The following SAP130 variants were observed in gnomAD, a reference collection of about 807,000 sequenced individuals.
SAP130 encodes Sin3A associated protein 130, also known as histone deacetylase complex subunit SAP130.
In SAP130, 16 loss-of-function variants were observed where a neutral mutation model predicts 103.2. That is an observed-to-expected ratio of 0.16 (90% CI 0.10 to 0.24). The LOEUF is 0.24. Among genes scored for constraint, SAP130 ranks in the 10% least tolerant of loss-of-function variants. The probability of loss-of-function intolerance (pLI) is 1.00; values close to 1 mark genes in which losing one functional copy is unlikely to be tolerated. For synonymous variants in SAP130, 477 were observed against 497.0 expected (o/e 0.96, Z 0.53); for missense variants, 990 against 1,359.7 (o/e 0.73, Z 4.28).
chr2:127,997,976 T>G (rs1290304478), intron 10 of SAP130, among the ~76,000 whole-genome samples: 6 of 151,632 alleles, frequency 4.0e-5, no homozygotes, highest in Non-Finnish European at 8.8e-5. Flanking sequence ...CAGCCAGGCG[T>G]GGTGGTATGT....
chr2:128,020,429 G>T (rs1685075119), intron 2 of SAP130, among the ~76,000 whole-genome samples: 1 of 152,156 alleles, frequency 6.6e-6, no homozygotes, highest in African/African-American at 2.4e-5. Flanking sequence ...ACCCTATTGT[G>T]CTTTGCCTCT....
chr2:128,017,806 G>C lies in SAP130; in HGVS notation c.222C>G (p.Pro74=), dbSNP rs376069602. Residue 74 remains proline, a synonymous_variant, in exon 3 of 21, where the codon CCC becomes CCG. Transcript: ENST00000643581. ...TCGACAACATCTGCACCTGTGGATAGGGCCTTACCACAACAGGCTCTTGCT... is the reference window on the plus strand; with the variant it reads ...TCGACAACATCTGCACCTGTGGATACGGCCTTACCACAACAGGCTCTTGCT... The part of the protein sequence containing the change: ...EEKQEPVVVR[P]YPQVQMLSTH... The C allele has an allele frequency of 1.6e-5, 26 of 1,614,124 alleles. No individual in the cohort carries two copies. The highest frequency in any genetic ancestry group is 2.2e-5 in the Non-Finnish European group (26 of 1,180,052).
rs191616809 is a variant in SAP130, at chr2:127,972,770, A to G, written c.2063+5215T>C. Among the ~76,000 whole-genome samples, 7 of 152,092 alleles carry G rather than the reference A, an allele frequency of 4.6e-5. No homozygotes were observed. In the East Asian group the frequency reaches 1.4e-3, roughly 29 times the overall value. On this transcript the variant is annotated intron_variant, in intron 15 of 20. Transcript: ENST00000643581. Reference sequence around the variant, plus strand: ...GAGATTCTGTCTAAAAAAAAAGTAAATTAAAAAAATAAAAATAGCTGGGCA... The same window carrying G: ...GAGATTCTGTCTAAAAAAAAAGTAAGTTAAAAAAATAAAAATAGCTGGGCA...
At chr2:127,961,793 T>C (rs570527768) in intron 15 of SAP130, among the ~76,000 whole-genome samples, 2 of 152,170 alleles carry the variant, frequency 1.3e-5, no homozygotes, top group East Asian at 3.9e-4. Flanking sequence ...CAAAGTATGT[T>C]GCTTCCTTGG....
At chr2:128,019,113 A>G (rs982796148) in intron 2 of SAP130, among the ~76,000 whole-genome samples, 1 of 152,088 alleles carries the variant, frequency 6.6e-6, no homozygotes, top group Non-Finnish European at 1.5e-5. Flanking sequence ...AAAAAGAAAA[A>G]AAAAAGATAT....
At chr2:128,020,660 C>A (rs2105234584) in intron 2 of SAP130, among the ~76,000 whole-genome samples, 1 of 152,254 alleles carries the variant, frequency 6.6e-6, no homozygotes, top group South Asian at 2.1e-4. Context: ...TCAATATATA[C>A]CTAGGATTAG....
At position 127,941,940 on chromosome 2, in the gene SAP130, A is replaced by ACAC; in HGVS notation, c.*65_*66insGTG. On this transcript the variant is annotated 3_prime_UTR_variant, in exon 21 of 21. Coordinates refer to ENST00000643581, the MANE Select transcript of SAP130 (RefSeq NM_001330301.2). ...AATGTTCCACTTTGGAAAAAACCAA[A>ACAC]ACCCTCCCCCCACCCCCACCATCAT... is the stretch of plus-strand genomic sequence containing the variant. 2.7e-6 allele frequency: 1 copy of ACAC among 364,780 alleles called. No individual in the cohort carries two copies. Among genetic ancestry groups the ACAC allele is most frequent in the Non-Finnish European group, 5.2e-6 (1 of 193,016 alleles). The allele number at this position is 364,780 out of a possible 1,614,324, so 22.6% of individuals were successfully genotyped here.
rs776800985 is a variant in SAP130 at position 127,950,273 on chromosome 2, G to A, written c.2558C>T (p.Ser853Leu). 1.9e-6 allele frequency: 3 copies of A among 1,614,174 alleles called. No homozygotes were observed. Among genetic ancestry groups the A allele is most frequent in the Non-Finnish European group, 2.5e-6 (3 of 1,180,028 alleles). ...KKPRKQQHVI[S>L]TEEGDMMETN... Reference sequence around the variant, plus strand: ...CTCCATCATGTCACCTTCTTCTGTTGAGATCACATGCTGTTGCTTTCGAGG... The same window carrying A: ...CTCCATCATGTCACCTTCTTCTGTTAAGATCACATGCTGTTGCTTTCGAGG... The change falls in exon 17 of 21, where the codon TCA (serine) becomes TTA (leucine). Residue 853 changes from serine (S) to leucine (L), a missense_variant. Transcript: ENST00000643581.
At chr2:127,947,754 T>TTGTGTGTGTGTGTGTGAG in intron 18 of SAP130, among the ~76,000 whole-genome samples, 1 of 28,640 alleles carries the variant, frequency 3.5e-5, no homozygotes, top group South Asian at 9.5e-4. Context: ...TAATTTTGTA[T>TTGTGTGTGTGTGTGTGAG]TGTGTGTGTC....
intron 11 of SAP130, among the ~76,000 whole-genome samples, chr2:127,995,274 G>C (rs1413755468): frequency 6.6e-6 from 1 of 152,182 alleles, no homozygotes; most frequent in African/African-American, 2.4e-5. Flanking sequence ...AGAAACAGCA[G>C]ATTTCACAGC....
chr2:127,950,335 T>C lies in SAP130; in HGVS notation c.2496A>G (p.Thr832=), dbSNP rs1451974983. 6.2e-7 allele frequency: 1 copy of C among 1,614,224 alleles called. No individual in the cohort carries two copies. The highest frequency in any genetic ancestry group is 8.5e-7 in the Non-Finnish European group (1 of 1,180,038). Residue 832 remains threonine, a synonymous_variant, in exon 17 of 21, where the codon ACA becomes ACG. Coordinates refer to ENST00000643581, the MANE Select transcript of SAP130 (RefSeq NM_001330301.2). ...ALLANNLSMP[T]SDLPPGASPR... ...GGGAGGCACCAGGTGGTAGGTCACT[T>C]GTAGGCATGGACAAGTTGTTTGCCA...
intron 15 of SAP130, among the ~76,000 whole-genome samples, chr2:127,962,801 C>G (rs1409753183): frequency 6.6e-6 from 1 of 151,582 alleles, no homozygotes; most frequent in Non-Finnish European, 1.5e-5. Context: ...ATGGGTGCAG[C>G]ATACCAACAC....
chr2:128,000,632 G>C (rs539175331), intron 7 of SAP130, among the ~76,000 whole-genome samples, 178 bp from the exon 8 acceptor site: 1 of 152,096 alleles, frequency 6.6e-6, no homozygotes, highest in East Asian at 1.9e-4. Flanking sequence ...GTTTTAAAAG[G>C]CATCAATTTG....
chr2:128,020,801 C>A (rs1685099647), intron 2 of SAP130, among the ~76,000 whole-genome samples: 1 of 151,326 alleles, frequency 6.6e-6, no homozygotes, highest in Non-Finnish European at 1.5e-5. Context: ...GAGTTCAAGA[C>A]CATCATCCAA....
intron 2 of SAP130, among the ~76,000 whole-genome samples, chr2:128,021,815 AGT>A (rs1685182031): frequency 6.6e-6 from 1 of 152,220 alleles, no homozygotes; most frequent in South Asian, 2.1e-4. Context: ...AGTGGGTTGT[AGT>A]GTGTGTCTCA....
intron 15 of SAP130, among the ~76,000 whole-genome samples, chr2:127,956,719 AAAAAG>A (rs1181324021): frequency 2.7e-5 from 4 of 150,512 alleles, no homozygotes; most frequent in Non-Finnish European, 5.9e-5. Context: ...AAAAAAAAAA[AAAAAG>A]AAAGTTGGGT....
intron 18 of SAP130, 77 bp downstream of exon 18, chr2:127,949,792 T>C (rs1679367554): frequency 2.0e-6 from 3 of 1,465,520 alleles, no homozygotes; most frequent in Admixed American, 2.1e-5. Context: ...AAATTGTGGT[T>C]CTGTTTTTCT....
rs181189954 is a variant in SAP130, at chr2:127,970,165, T to C, written c.2063+7820A>G. Among the ~76,000 whole-genome samples, 246 of 149,398 alleles carry C rather than the reference T, an allele frequency of 1.6e-3. 5 individuals are homozygous for C. Among genetic ancestry groups the C allele is most frequent in the Admixed American group, 0.011 (165 of 14,916 alleles). On this transcript the variant is annotated intron_variant, in intron 15 of 20. Transcript: ENST00000643581. Reference sequence around the variant, plus strand: ...ATCTCTTGAACCTGGGAGGCAGAGGTTGCAGTAAGCCGAGATTACCTCACT... The same window carrying C: ...ATCTCTTGAACCTGGGAGGCAGAGGCTGCAGTAAGCCGAGATTACCTCACT...
At position 127,989,148 on chromosome 2, in the gene SAP130, G is replaced by C. The variant is rs1033346022; in HGVS notation, c.1780+416C>G. Among the ~76,000 whole-genome samples, 6 of 151,604 alleles carry C rather than the reference G, an allele frequency of 4.0e-5. No homozygotes were observed. Among genetic ancestry groups the C allele is most frequent in the African/African-American group, 1.5e-4 (6 of 41,234 alleles). On this transcript the variant is annotated intron_variant, in intron 13 of 20. Transcript: ENST00000643581. The surrounding 1 kb of genome is among the most constrained non-coding windows in gnomAD (Gnocchi z 4.6). ...GAGTCTCACTCTGTGGCCCAGGCTG[G>C]AGTGCAGTGGCGTGATCTCGGCTCA... is the stretch of plus-strand genomic sequence containing the variant.
Sources: gnomAD v4.1 joint callset for allele counts (sites outside exome capture counted in the v4.1 genomes callset) on GRCh38, gnomAD v4.1.1 for gene constraint, Gnocchi (gnomAD v3.1) non-coding constraint, MANE v1.5 for transcripts, NCBI Gene and HGNC (gene_info 2026-07-23, HGNC 2026-07-21) for gene names.